Variants in C20orf203 observed in about 807,000 individuals in gnomAD.
The protein encoded by C20orf203 is uncharacterized protein C20orf203.
C20orf203 carries 16 observed loss-of-function variants against 15.9 expected under a neutral mutation model. That is an observed-to-expected ratio of 1.01 (90% CI 0.68 to 1.53). The LOEUF is 1.53. Ranked by LOEUF, C20orf203 falls within the 40% of genes most tolerant of loss-of-function variation. The pLI, the probability that C20orf203 is intolerant of heterozygous loss-of-function variation, is 0.00. For missense variants in C20orf203, 263 were observed against 247.5 expected, an observed-to-expected ratio of 1.06 and a Z score of -0.42; for synonymous variants, 98 against 97.2, an observed-to-expected ratio of 1.01 and a Z score of -0.05.
At chr20:32,662,523 C>T (rs1377342260) in intron 1 of C20orf203, among the ~76,000 whole-genome samples, 1 of 152,126 alleles carries the variant, frequency 6.6e-6, no homozygotes, top group African/African-American at 2.4e-5. Context: ...ATCGATTGAA[C>T]CCGAGACGGA....
chr20:32,670,092 C>T (rs746421917), intron 1 of C20orf203, among the ~76,000 whole-genome samples: 4 of 152,164 alleles, frequency 2.6e-5, no homozygotes, highest in Non-Finnish European at 4.4e-5. Flanking sequence ...ATCCCATAAT[C>T]CCAGCTACTC....
At position 32,650,753 on chromosome 20, in the gene C20orf203, T is replaced by C. The variant is rs762268335; in HGVS notation, c.264A>G (p.Gln88=). The C allele has an allele frequency of 1.3e-6, 2 of 1,529,250 alleles. No individual in the cohort carries two copies. The highest frequency in any genetic ancestry group is 2.5e-5 in the South Asian group (2 of 81,166). The allele number at this position is 1,529,250 out of a possible 1,614,324, so 94.7% of individuals were successfully genotyped here. A position where few individuals can be genotyped will look rare whatever the true frequency, so the allele number is the denominator to read the frequency against. ...PSHQRQPPPP[Q]HPGPYQERIW... ...TCCTTTCCTGATAAGGGCCTGGGTGTTGCGGAGGAGGAGGCTGGCGCTGGT... is the reference window on the plus strand; with the variant it reads ...TCCTTTCCTGATAAGGGCCTGGGTGCTGCGGAGGAGGAGGCTGGCGCTGGT... The change falls in exon 4 of 6, where the codon CAA becomes CAG. Residue 88 remains glutamine, a synonymous_variant. Transcript: ENST00000608990.
intron 1 of C20orf203, among the ~76,000 whole-genome samples, chr20:32,670,651 G>C (rs982758108): frequency 1.1e-4 from 17 of 152,090 alleles, no homozygotes; most frequent in Non-Finnish European, 1.8e-4. Flanking sequence ...GGTCAACATA[G>C]TGAAACCCTC....
intron 1 of C20orf203, among the ~76,000 whole-genome samples, chr20:32,658,261 T>C (rs1982810434): frequency 6.6e-6 from 1 of 152,152 alleles, no homozygotes; most frequent in Non-Finnish European, 1.5e-5. Flanking sequence ...AAAATCTGTA[T>C]CTATATGTGT....
intron 4 of C20orf203, among the ~76,000 whole-genome samples, chr20:32,648,585 C>T (rs903194338): frequency 2.0e-5 from 3 of 150,378 alleles, no homozygotes; most frequent in Non-Finnish European, 4.4e-5. Context: ...GGACTACAGG[C>T]GCCTGCTGCC....
chr20:32,662,395 A>C (rs2145679690), intron 1 of C20orf203, among the ~76,000 whole-genome samples: 1 of 152,292 alleles, frequency 6.6e-6, no homozygotes, highest in South Asian at 2.1e-4. Flanking sequence ...TGAGGTCCAG[A>C]GTTCAAGACC....
chr20:32,631,720 A>C lies in C20orf203; in HGVS notation c.*3850T>G, dbSNP rs901870187. 1.3e-5 allele frequency: 2 copies of C among 152,256 alleles called. No homozygotes were observed. The highest frequency in any genetic ancestry group is 2.9e-5 in the Non-Finnish European group (2 of 68,048). The allele number at this position is 152,256 out of a possible 1,614,324, so 9.4% of individuals were successfully genotyped here. A position where few individuals can be genotyped will look rare whatever the true frequency, so the allele number is the denominator to read the frequency against. On this transcript the variant is annotated 3_prime_UTR_variant, in exon 6 of 6. Transcript: ENST00000608990. The stretch of plus-strand genomic sequence containing the variant: ...TTCCTGAAATATTCGTCTGATGCTA[A>C]AAATTAAAGAAGAAAAGCAGCTGGC...
chr20:32,651,305 C>A (rs1434653829), intron 2 of C20orf203, 139 bp from the exon 3 acceptor site: 1 of 400,834 alleles, frequency 2.5e-6, no homozygotes, highest in African/African-American at 2.1e-5. Flanking sequence ...GCCATGATCG[C>A]CCCACTACAC....
At chr20:32,662,253 G>A (rs1982907916) in intron 1 of C20orf203, among the ~76,000 whole-genome samples, 1 of 152,184 alleles carries the variant, frequency 6.6e-6, no homozygotes, top group Admixed American at 6.5e-5. Flanking sequence ...GGCTGACTCT[G>A]GGCACACTGC....
chr20:32,643,609 C>T (rs1568746831), intron 4 of C20orf203, among the ~76,000 whole-genome samples: 2 of 147,150 alleles, frequency 1.4e-5, no homozygotes, highest in Admixed American at 1.4e-4. Flanking sequence ...AGTGTAGACC[C>T]AGCCGCTTCC....
Position 32,632,376 on chromosome 20 carries a change from G to A in C20orf203, c.*3194C>T, listed in dbSNP as rs187545016. On this transcript the variant is annotated 3_prime_UTR_variant, in exon 6 of 6. Transcript: ENST00000608990. ...CACATGGAAGCTTGGGAAGTTTTTC[G>A]GCCAGCTACTGAAAACAAAGGGGTA... 6.6e-5 allele frequency: 10 copies of A among 152,182 alleles called. No individual in the cohort carries two copies. The East Asian group carries it at 1.9e-3, about 29-fold the overall frequency. The allele number at this position is 152,182 out of a possible 1,614,324, so 9.4% of individuals were successfully genotyped here.
chr20:32,664,213 T>G (rs1223836330), intron 1 of C20orf203, among the ~76,000 whole-genome samples: 1 of 152,146 alleles, frequency 6.6e-6, no homozygotes, highest in Non-Finnish European at 1.5e-5. Flanking sequence ...GATCTGCGCC[T>G]TAGGGAAGCC....
At chr20:32,646,309 G>A (rs139643545) in intron 4 of C20orf203, among the ~76,000 whole-genome samples, 1,960 of 151,666 alleles carry the variant, frequency 0.013, 39 homozygotes, top group African/African-American at 0.043. Context: ...GGGTTCAAGC[G>A]ATTCTCCCAC....
chr20:32,639,007 C>T (rs530401546), intron 5 of C20orf203, among the ~76,000 whole-genome samples: 2 of 152,360 alleles, frequency 1.3e-5, no homozygotes, highest in East Asian at 1.9e-4. Context: ...GTTCAGGCAG[C>T]GAGGTAGCTG....
chr20:32,651,471 C>T (rs1982627306), intron 2 of C20orf203, among the ~76,000 whole-genome samples: 4 of 152,220 alleles, frequency 2.6e-5, no homozygotes, highest in Non-Finnish European at 5.9e-5. Context: ...CACTTCAAAG[C>T]AGGGCTGTAG....
chr20:32,671,994 AT>A (rs1983181025), intron 1 of C20orf203, among the ~76,000 whole-genome samples: 1 of 152,096 alleles, frequency 6.6e-6, no homozygotes, highest in South Asian at 2.1e-4. Flanking sequence ...CATTGTGGTT[AT>A]AGTTAACAAT....
chr20:32,641,789 C>A (rs945260753), intron 4 of C20orf203, among the ~76,000 whole-genome samples: 21 of 152,046 alleles, frequency 1.4e-4, no homozygotes, highest in African/African-American at 5.1e-4. Context: ...ATGTTTAGAT[C>A]GTATCGCCAT....
intron 1 of C20orf203, among the ~76,000 whole-genome samples, chr20:32,669,346 C>T (rs527921977): frequency 6.6e-6 from 1 of 152,192 alleles, no homozygotes; most frequent in East Asian, 1.9e-4. Context: ...GACACAGATC[C>T]TATGGCCCGA....
At chr20:32,645,768 G>A (rs1255328829) in intron 4 of C20orf203, among the ~76,000 whole-genome samples, 1 of 152,248 alleles carries the variant, frequency 6.6e-6, no homozygotes, top group Non-Finnish European at 1.5e-5. Context: ...AGGTCACAGA[G>A]GGGCAGCTAC....
Sources: gnomAD v4.1 joint callset for allele counts (sites outside exome capture counted in the v4.1 genomes callset) on GRCh38, gnomAD v4.1.1 for gene constraint, MANE v1.5 for transcripts, NCBI Gene and HGNC (gene_info 2026-07-23, HGNC 2026-07-21) for gene names.